CCDC33: variants seen among roughly 807,000 people sequenced by gnomAD.
CCDC33 encodes the protein coiled-coil domain containing 33, also known as coiled-coil domain-containing protein 33.
CCDC33 carries 94 observed loss-of-function variants against 91.9 expected under a neutral mutation model. The ratio of observed to expected loss-of-function variants is 1.02; its 90% CI spans 0.87 to 1.21. CCDC33 has a LOEUF of 1.21. Ranked by LOEUF, CCDC33 falls within the 50% of genes most tolerant of loss-of-function variation. The pLI is 0.00. For synonymous variants in CCDC33, 396 were observed against 374.5 expected, an observed-to-expected ratio of 1.06 and a Z score of -0.66; for missense variants, 940 against 935.5, an observed-to-expected ratio of 1.00 and a Z score of -0.06.
At chr15:74,335,850 T>C in intron 18 of CCDC33, 75 bp from the exon 19 acceptor site, 1 of 1,140,614 alleles carries the variant, frequency 8.8e-7, no homozygotes, top group Non-Finnish European at 1.3e-6. Flanking sequence ...GCCTGGTTTG[T>C]CAGGCAATAT....
At chr15:74,334,691 A>G (rs774039934) in intron 17 of CCDC33, among the ~76,000 whole-genome samples, 1 of 152,210 alleles carries the variant, frequency 6.6e-6, no homozygotes. Context: ...TTGTGTGACC[A>G]GGGTCAGGCT....
Position 74,324,177 on chromosome 15 carries a change from G to A in CCDC33, c.1291-6012G>A, listed in dbSNP as rs554262591. On this transcript the variant is annotated intron_variant, in intron 11 of 18. Transcript: ENST00000398814. ...CTGTCGCTACCTGAGCATGCCTCTC[G>A]AATCACTCTGGCCTAAATTTTCTAT... Among the ~76,000 whole-genome samples, 113 of 150,412 alleles carry A rather than the reference G, an allele frequency of 7.5e-4. 1 individual carries two copies. Among genetic ancestry groups the A allele is most frequent in the East Asian group, 5.9e-4 (3 of 5,100 alleles).
chr15:74,257,697 G>C (rs1566975368), intron 2 of CCDC33, among the ~76,000 whole-genome samples: 1 of 152,210 alleles, frequency 6.6e-6, no homozygotes, highest in African/African-American at 2.4e-5. Context: ...CCTCTAAGTG[G>C]AAAGATCCTC....
intron 1 of CCDC33, among the ~76,000 whole-genome samples, chr15:74,205,317 G>C (rs754490962): frequency 3.3e-5 from 5 of 152,206 alleles, no homozygotes; most frequent in Non-Finnish European, 7.3e-5. Context: ...AGTTCTGCAG[G>C]CTGTGCAGGA....
intron 10 of CCDC33, among the ~76,000 whole-genome samples, chr15:74,291,316 G>A (rs762686522): frequency 2.0e-5 from 3 of 152,254 alleles, no homozygotes; most frequent in Non-Finnish European, 2.9e-5. Context: ...TGACTGATCG[G>A]GGAACTGCTG....
chr15:74,262,215 G>A (rs1376048229), intron 2 of CCDC33, among the ~76,000 whole-genome samples: 1 of 152,188 alleles, frequency 6.6e-6, no homozygotes, highest in Non-Finnish European at 1.5e-5. Flanking sequence ...AGAGGCTTGT[G>A]ACTAAGTGAA....
chr15:74,254,297 C>T (rs2075796515), intron 2 of CCDC33, among the ~76,000 whole-genome samples: 1 of 152,212 alleles, frequency 6.6e-6, no homozygotes, highest in Non-Finnish European at 1.5e-5. Flanking sequence ...TCCCAAAGTG[C>T]TGGGATTACA....
chr15:74,223,812 C>T (rs921679571), intron 2 of CCDC33, among the ~76,000 whole-genome samples: 1 of 126,768 alleles, frequency 7.9e-6, no homozygotes, highest in African/African-American at 2.6e-5. Context: ...CAGCAGACAG[C>T]TGCTTTACAT....
intron 1 of CCDC33, among the ~76,000 whole-genome samples, chr15:74,208,229 G>T (rs940743315): frequency 6.6e-6 from 1 of 152,136 alleles, no homozygotes; most frequent in African/African-American, 2.4e-5. Flanking sequence ...TTCTAGAGTA[G>T]TGAGGCCCCC....
At position 74,298,301 on chromosome 15, in the gene CCDC33, T is replaced by C. The variant is rs183866289; in HGVS notation, c.1290+2353T>C. ...GTGGTGATGATGGTGATGATGATGG[T>C]GGAGGAGGAGCAGAGAGGAAAAAAT... On this transcript the variant is annotated intron_variant, in intron 11 of 18. Transcript: ENST00000398814. Among the ~76,000 whole-genome samples, 3 of 152,038 alleles carry C rather than the reference T, an allele frequency of 2.0e-5. No homozygotes were observed. The East Asian group carries it at 5.8e-4, about 29-fold the overall frequency.
Position 74,245,750 on chromosome 15 carries a change from G to C in CCDC33, c.185+1602G>C, listed in dbSNP as rs144283857. Among the ~76,000 whole-genome samples, 1,519 of 152,068 alleles carry C rather than the reference G, an allele frequency of 1.0e-2. 26 individuals are homozygous for C. The highest frequency in any genetic ancestry group is 0.035 in the African/African-American group (1,438 of 41,458). On this transcript the variant is annotated intron_variant, in intron 2 of 18. Transcript: ENST00000398814. ...TCCCTGTGGCTGCGGCACGTGGGGCGGGAGGGTGGGGACAGAGAACGCGGG... is the reference window on the plus strand; with the variant it reads ...TCCCTGTGGCTGCGGCACGTGGGGCCGGAGGGTGGGGACAGAGAACGCGGG...
intron 17 of CCDC33, 57 bp from the exon 18 acceptor site, chr15:74,334,918 A>G (rs1243629016): frequency 7.1e-7 from 1 of 1,400,328 alleles, no homozygotes; most frequent in Non-Finnish European, 1.0e-6. Context: ...TGTCCTGGCC[A>G]TCAGGGATTA....
intron 2 of CCDC33, among the ~76,000 whole-genome samples, chr15:74,253,443 G>A (rs2075769821): frequency 6.6e-6 from 1 of 152,174 alleles, no homozygotes; most frequent in African/African-American, 2.4e-5. Context: ...TCCTACCCCT[G>A]TGTATTCCCT....
In CCDC33 at chr15:74,241,810, C is replaced by G. The variant is rs190577112; in HGVS notation, c.22-2175C>G. 2.6e-5 allele frequency among the ~76,000 whole-genome samples: 4 copies of G among 152,288 alleles called. No individual in the cohort carries two copies. In the East Asian group the frequency reaches 7.7e-4, roughly 29 times the overall value. ...TTGAAGGTGGAGCTGACAGGATCTG[C>G]TGAAGAACTGGATAAGGGATGTAGA... On this transcript the variant is annotated intron_variant, in intron 1 of 18. Transcript: ENST00000398814.
chr15:74,217,379 G>A (rs1301672330), exon 1 of CCDC33: 13 of 1,290,052 alleles, frequency 1.0e-5, no homozygotes, highest in Non-Finnish European at 1.3e-5. Context: ...TGAGCGTGGG[G>A]TTTAATGAGG....
At chr15:74,323,744 G>A (rs2060251621) in intron 11 of CCDC33, among the ~76,000 whole-genome samples, 1 of 151,926 alleles carries the variant, frequency 6.6e-6, no homozygotes, top group Admixed American at 6.6e-5. Context: ...AGTCAGGCTG[G>A]TCTCAAGCTT....
intron 11 of CCDC33, among the ~76,000 whole-genome samples, chr15:74,328,719 C>T (rs1567039085): frequency 6.6e-6 from 1 of 152,186 alleles, no homozygotes. Context: ...CCAGGAGACC[C>T]CTGCTCTCGA....
chr15:74,210,125 T>C (rs567503665), intron 2 of CCDC33, among the ~76,000 whole-genome samples: 8 of 152,318 alleles, frequency 5.3e-5, no homozygotes, highest in African/African-American at 1.9e-4. Flanking sequence ...ATCTTGTCCA[T>C]GGAGAAGAGG....
chr15:74,217,296 T>C (rs2074469098), exon 1 of CCDC33: 2 of 1,283,554 alleles, frequency 1.6e-6, no homozygotes, highest in Admixed American at 4.6e-5. Flanking sequence ...GCCTGAACCC[T>C]GGGTCTCTGC....
Sources: allele counts gnomAD v4.1 joint callset (sites outside exome capture counted in the v4.1 genomes callset), GRCh38; gene constraint gnomAD v4.1.1; transcripts MANE v1.5; gene names NCBI Gene and HGNC (gene_info 2026-07-23, HGNC 2026-07-21).